The following ZFHX3 variants were observed in gnomAD, a reference collection of about 807,000 sequenced individuals.
ZFHX3 encodes zinc finger homeobox 3.
A neutral mutation model predicts 279.1 loss-of-function variants in ZFHX3; 42 were observed. The ratio of observed to expected loss-of-function variants is 0.15; its 90% CI spans 0.12 to 0.19. The LOEUF is 0.19. Ranked by LOEUF, ZFHX3 falls within the 10% of genes least tolerant of loss-of-function variation. ZFHX3 has a pLI of 1.00. For synonymous variants in ZFHX3, 2,293 were observed against 1,957.8 expected (o/e 1.17, Z -4.52); for missense variants, 4,981 against 4,754.0 (o/e 1.05, Z -1.40).
chr16:73,738,624 T>C (rs1444858496), intron 1 of ZFHX3, among the ~76,000 whole-genome samples: 1 of 152,136 alleles, frequency 6.6e-6, no homozygotes, highest in East Asian at 1.9e-4. Flanking sequence ...TATGCTAGAG[T>C]TCCACGGTAT....
chr16:73,112,885 C>G (rs1003661201), intron 7 of ZFHX3, among the ~76,000 whole-genome samples: 1 of 151,966 alleles, frequency 6.6e-6, no homozygotes, highest in Non-Finnish European at 1.5e-5. Flanking sequence ...ACCAGGTGAG[C>G]GGCTGCACAG....
chr16:73,142,417 A>G (rs1411026331), intron 6 of ZFHX3, among the ~76,000 whole-genome samples: 1 of 152,172 alleles, frequency 6.6e-6, no homozygotes, highest in Non-Finnish European at 1.5e-5. Flanking sequence ...AAGAACTGTT[A>G]CCTTTGAAAT....
chr16:73,503,029 G>C (rs922502421), intron 2 of ZFHX3, among the ~76,000 whole-genome samples: 1 of 152,228 alleles, frequency 6.6e-6, no homozygotes, highest in African/African-American at 2.4e-5. Flanking sequence ...GTCCCATTAT[G>C]TTGTGCTCAC....
chr16:73,407,978 C>T (rs1402079998), intron 3 of ZFHX3, among the ~76,000 whole-genome samples: 2 of 151,766 alleles, frequency 1.3e-5, no homozygotes, highest in African/African-American at 4.8e-5. Context: ...CATCCACCTT[C>T]TCTTGTGATG....
intron 1 of ZFHX3, among the ~76,000 whole-genome samples, chr16:73,867,370 T>C (rs961596463): frequency 1.3e-5 from 2 of 152,146 alleles, no homozygotes; most frequent in African/African-American, 2.4e-5. Context: ...CACTCACCCA[T>C]GCACCTAGAC....
rs1191106925 is a variant in ZFHX3, at chr16:72,957,594, C to T, written c.2552G>A (p.Gly851Asp). The T allele has an allele frequency of 1.2e-5, 19 of 1,613,992 alleles. No individual in the cohort carries two copies. Among genetic ancestry groups the T allele is most frequent in the Middle Eastern group, 1.6e-4 (1 of 6,084 alleles). ...GGCCTCGGCGGGTGAGGGCAGGCTG[C>T]CGAGGCCCAGGTGGCGGTTGTGTTG... is the stretch of plus-strand genomic sequence containing the variant. ...QIQHNRHLGL[G>D]SLPSPAEAEL... Residue 851 changes from glycine (G) to aspartate (D), a missense_variant, in exon 2 of 10, where the codon GGC becomes GAC. By Grantham distance (94) the Gly-to-Asp change is moderately conservative. This residue lies in a region of ZFHX3 where 1,751 missense variants were observed against 1,770.0 expected (regional missense o/e 0.99). Coordinates refer to ENST00000268489, the MANE Select transcript of ZFHX3 (RefSeq NM_006885.4).
chr16:73,475,636 C>T (rs749777938), intron 2 of ZFHX3, among the ~76,000 whole-genome samples: 26 of 152,090 alleles, frequency 1.7e-4, no homozygotes, highest in Middle Eastern at 3.4e-3. Context: ...AAATTTGAAA[C>T]TGTTAACTTC....
chr16:73,389,283 G>A (rs568963086), intron 3 of ZFHX3: 9 of 152,146 alleles, frequency 5.9e-5, no homozygotes, highest in Admixed American at 5.9e-4. Flanking sequence ...TGTATCGTCT[G>A]GCTGCTTTTG....
chr16:73,490,056 T>C (rs189898459), intron 2 of ZFHX3, among the ~76,000 whole-genome samples: 9 of 152,364 alleles, frequency 5.9e-5, no homozygotes, highest in African/African-American at 1.7e-4. Flanking sequence ...GTACAACCAA[T>C]TTCTACAAAA....
At chr16:73,852,068 T>C (rs1961606245) in intron 1 of ZFHX3, among the ~76,000 whole-genome samples, 1 of 152,226 alleles carries the variant, frequency 6.6e-6, no homozygotes, top group South Asian at 2.1e-4. Flanking sequence ...TGTTCATAAT[T>C]ATCTGAGACT....
intron 5 of ZFHX3, among the ~76,000 whole-genome samples, chr16:73,235,403 A>G (rs758432048): frequency 1.8e-4 from 27 of 151,540 alleles, no homozygotes; most frequent in Non-Finnish European, 2.7e-4. Context: ...TATTTTAACC[A>G]CTCTATCCTC....
intron 1 of ZFHX3, among the ~76,000 whole-genome samples, chr16:73,694,593 C>T (rs571570306): frequency 4.6e-5 from 7 of 152,210 alleles, no homozygotes; most frequent in Admixed American, 2.0e-4. Flanking sequence ...CCATCCGCCT[C>T]GGCCTCCCAA....
At chr16:73,248,191 A>G (rs2013362276) in intron 5 of ZFHX3, among the ~76,000 whole-genome samples, 1 of 149,912 alleles carries the variant, frequency 6.7e-6, no homozygotes, top group Non-Finnish European at 1.5e-5. Flanking sequence ...TACTGTGTAT[A>G]TAATGTGTCT....
chr16:72,827,666 G>A (rs1176584705), intron 5 of ZFHX3, among the ~76,000 whole-genome samples: 1 of 152,196 alleles, frequency 6.6e-6, no homozygotes, highest in East Asian at 1.9e-4. Context: ...TCCAGGCAAA[G>A]CCCCACAGGA....
At chr16:73,495,017 C>T (rs1405204444) in intron 2 of ZFHX3, among the ~76,000 whole-genome samples, 1 of 152,148 alleles carries the variant, frequency 6.6e-6, no homozygotes, top group Non-Finnish European at 1.5e-5. Flanking sequence ...CTGCATTTGC[C>T]CTGGCAGGGG....
intron 5 of ZFHX3, among the ~76,000 whole-genome samples, chr16:73,231,543 T>C (rs2012772674): frequency 6.6e-6 from 1 of 152,140 alleles, no homozygotes; most frequent in South Asian, 2.1e-4. Context: ...ATAAGGCAAG[T>C]TCGTGTTCAT....
chr16:73,393,487 A>T (rs963596457), intron 3 of ZFHX3, among the ~76,000 whole-genome samples: 3 of 152,182 alleles, frequency 2.0e-5, no homozygotes, highest in Admixed American at 6.5e-5. Flanking sequence ...TGAGATCAAA[A>T]TTATGAACTC....
At chr16:72,940,300 G>A (rs1205395909) in intron 3 of ZFHX3, among the ~76,000 whole-genome samples, 1 of 152,166 alleles carries the variant, frequency 6.6e-6, no homozygotes, top group Non-Finnish European at 1.5e-5. Context: ...CTCCACAAAT[G>A]TTGTTGACCC....
In ZFHX3 at chr16:72,957,890, G is replaced by A. The variant is rs1172059490; in HGVS notation, c.2256C>T (p.Asn752=). The A allele has an allele frequency of 1.2e-6, 2 of 1,614,128 alleles. No individual in the cohort carries two copies. The highest frequency in any genetic ancestry group is 1.7e-5 in the Admixed American group (1 of 60,034). Reference sequence around the variant, plus strand: ...CTCCATTCTGCAGGTTCTGCATGTTGTTGAGATGCTTGTCAGACTGCATAT... The same window carrying A: ...CTCCATTCTGCAGGTTCTGCATGTTATTGAGATGCTTGTCAGACTGCATAT... ...SIHMQSDKHL[N]NMQNLQNGGG... The change falls in exon 2 of 10, where the codon AAC becomes AAT. Residue 752 remains asparagine, a synonymous_variant. Coordinates refer to ENST00000268489, the MANE Select transcript of ZFHX3 (RefSeq NM_006885.4).
Sources: allele counts gnomAD v4.1 joint callset (sites outside exome capture counted in the v4.1 genomes callset), GRCh38; gene constraint gnomAD v4.1.1; regional missense constraint gnomAD v4.1.1; transcripts MANE v1.5; gene names NCBI Gene and HGNC (gene_info 2026-07-23, HGNC 2026-07-21).